DMXL2: variants seen among roughly 807,000 people sequenced by gnomAD.
The protein encoded by DMXL2 is Dmx like 2.
In DMXL2, 103 loss-of-function variants were observed where a neutral mutation model predicts 331.1. That is an observed-to-expected ratio of 0.31 (90% CI 0.27 to 0.37). The LOEUF is 0.37. DMXL2 is among the 10% of genes least tolerant of loss of function. DMXL2 has a pLI of 1.00. For missense variants in DMXL2, 3,171 were observed against 3,642.9 expected (o/e 0.87, Z 3.33); for synonymous variants, 1,281 against 1,252.1 (o/e 1.02, Z -0.49).
chr15:51,475,845 T>G (rs1236162527), intron 27 of DMXL2, among the ~76,000 whole-genome samples: 1 of 152,188 alleles, frequency 6.6e-6, no homozygotes, highest in Non-Finnish European at 1.5e-5. Context: ...GTCTGCAACT[T>G]ACTCTCAAAT....
At chr15:51,494,559 T>C (rs1351569521) in intron 19 of DMXL2, among the ~76,000 whole-genome samples, 2 of 152,206 alleles carry the variant, frequency 1.3e-5, no homozygotes, top group East Asian at 3.8e-4. Flanking sequence ...GCAGTATGCC[T>C]GAAGTACACA....
In DMXL2 at chr15:51,498,875, G is replaced by A; in HGVS notation, c.4349C>T (p.Thr1450Ile). 6.2e-7 allele frequency: 1 copy of A among 1,614,082 alleles called. No individual in the cohort carries two copies. The highest frequency in any genetic ancestry group is 8.5e-7 in the Non-Finnish European group (1 of 1,179,996). ...DTSYRISEES[T>I]KIPQSYEDQT... ...ATCTTCATAGCTCTGTGGTATCTTT[G>A]TACTTTCTTCTGAAATTCTGTAGGA... The change falls in exon 18 of 44, where the codon ACA becomes ATA. Residue 1450 changes from threonine to isoleucine, a missense_variant. Coordinates refer to ENST00000560891, the MANE Select transcript of DMXL2 (RefSeq NM_001378457.1).
intron 6 of DMXL2, among the ~76,000 whole-genome samples, chr15:51,557,623 T>C (rs896377776): frequency 6.6e-6 from 1 of 152,116 alleles, no homozygotes; most frequent in Non-Finnish European, 1.5e-5. Context: ...CTACCAGATA[T>C]CAAGACTTAA....
chr15:51,454,736 C>T (rs778835327), intron 40 of DMXL2, among the ~76,000 whole-genome samples: 6 of 152,136 alleles, frequency 3.9e-5, no homozygotes, highest in Admixed American at 6.5e-5. Context: ...ACCTTGTGAT[C>T]TGCCCGCCTC....
chr15:51,488,725 T>C (rs1280523339), intron 20 of DMXL2, 80 bp from the exon 21 acceptor site: 1 of 1,232,448 alleles, frequency 8.1e-7, no homozygotes, highest in Non-Finnish European at 1.1e-6. Flanking sequence ...GTTCCCCTGC[T>C]ACTTCCATGG....
chr15:51,603,560 G>C (rs11634180), intron 1 of DMXL2: 73,061 of 151,918 alleles, frequency 0.48, 17,924 homozygotes, highest in Non-Finnish European at 0.52. Context: ...ATAATCCTGA[G>C]AGAAAGTAGA....
At chr15:51,592,407 T>C (rs1322717410) in intron 1 of DMXL2, among the ~76,000 whole-genome samples, 1 of 152,244 alleles carries the variant, frequency 6.6e-6, no homozygotes, top group East Asian at 1.9e-4. Context: ...CCAAGAAATA[T>C]GGGACTATGT....
intron 20 of DMXL2, among the ~76,000 whole-genome samples, chr15:51,489,826 T>C (rs2042666050): frequency 6.6e-6 from 1 of 152,234 alleles, no homozygotes; most frequent in South Asian, 2.1e-4. Flanking sequence ...AGCTGATTTA[T>C]AATATACATT....
At chr15:51,568,425 C>A (rs756350935) in intron 3 of DMXL2, 62 bp downstream of exon 3, 2 of 1,144,220 alleles carry the variant, frequency 1.7e-6, no homozygotes, top group African/African-American at 1.6e-5. Flanking sequence ...TTTTTATTAA[C>A]ATCAATTGGA....
chr15:51,568,545 T>C lies in DMXL2; in HGVS notation c.227A>G (p.Tyr76Cys), dbSNP rs1482234935. 30 of 1,575,552 alleles carry C rather than the reference T, an allele frequency of 1.9e-5. No individual in the cohort carries two copies. The highest frequency in any genetic ancestry group is 2.5e-5 in the Non-Finnish European group (29 of 1,168,446). Residue 76 changes from tyrosine to cysteine, a missense_variant, in exon 3 of 44, where the codon TAT becomes TGT. Tyr to Cys is a radical substitution (Grantham distance 194). Around this residue, in one of 7 missense-constraint regions of DMXL2, gnomAD observed 1,674 missense variants for 1,780.2 expected, o/e 0.94. Coordinates refer to ENST00000560891, the MANE Select transcript of DMXL2 (RefSeq NM_001378457.1). The stretch of plus-strand genomic sequence containing the variant: ...CTCAAATATACAAACAGCATTACCA[T>C]ATGAAGCTGCAATCTAAAAAAGAAT... ...SNQQGRIAAS[Y>C]GNAVCIFEPL...
At chr15:51,608,037 T>G (rs867474725) in intron 1 of DMXL2, among the ~76,000 whole-genome samples, 19 of 151,838 alleles carry the variant, frequency 1.3e-4, no homozygotes, top group African/African-American at 4.6e-4. Context: ...ATACAAAAAT[T>G]AGCCAGATGT....
intron 1 of DMXL2, among the ~76,000 whole-genome samples, chr15:51,621,814 A>T (rs566986557): frequency 1.4e-5 from 2 of 146,398 alleles, no homozygotes; most frequent in South Asian, 4.6e-4. Context: ...CCTCCTGATA[A>T]ATGAGACAGC....
intron 1 of DMXL2, among the ~76,000 whole-genome samples, chr15:51,589,442 C>T (rs181272603): frequency 3.9e-5 from 6 of 152,296 alleles, no homozygotes; most frequent in Admixed American, 3.9e-4. Context: ...CTTGCTCTTA[C>T]TTCAGTACAT....
chr15:51,548,295 T>C (rs1375231868), intron 6 of DMXL2, among the ~76,000 whole-genome samples: 3 of 152,164 alleles, frequency 2.0e-5, no homozygotes, highest in Non-Finnish European at 2.9e-5. Context: ...AAAGTATGCA[T>C]TGACCCAAAT....
chr15:51,590,441 G>C (rs4775956), intron 1 of DMXL2, among the ~76,000 whole-genome samples: 72,597 of 152,054 alleles, frequency 0.48, 17,713 homozygotes, highest in Non-Finnish European at 0.52. Context: ...CCTGATAACT[G>C]AGGCTCAGCT....
chr15:51,538,196 G>C lies in DMXL2; in HGVS notation c.1345+17C>G. On this transcript the variant is annotated intron_variant, in intron 10 of 43. Transcript: ENST00000560891. Reference sequence around the variant, plus strand: ...GTTAACTTTGGAGTAAGTAAAATCTGAACACAGGATACTAACCATGGTCTA... The same window carrying C: ...GTTAACTTTGGAGTAAGTAAAATCTCAACACAGGATACTAACCATGGTCTA... 1 of 1,599,412 alleles carries C rather than the reference G, an allele frequency of 6.3e-7. No individual in the cohort carries two copies. Among genetic ancestry groups the C allele is most frequent in the Non-Finnish European group, 8.5e-7 (1 of 1,171,526 alleles).
At chr15:51,476,446 A>G (rs2140339675) in intron 27 of DMXL2, 143 bp downstream of exon 27, 1 of 936,410 alleles carries the variant, frequency 1.1e-6, no homozygotes, top group East Asian at 2.6e-5. Context: ...TTCCTAATCC[A>G]TAGCAGAAAA....
intron 4 of DMXL2, 40 bp downstream of exon 4, chr15:51,565,048 A>G (rs943655258): frequency 7.0e-6 from 8 of 1,138,576 alleles, no homozygotes; most frequent in Non-Finnish European, 1.2e-6. Context: ...TTTAAAACAA[A>G]TATTTAATTT....
chr15:51,613,581 A>T (rs1219078504), intron 1 of DMXL2, among the ~76,000 whole-genome samples: 1 of 152,218 alleles, frequency 6.6e-6, no homozygotes, highest in Non-Finnish European at 1.5e-5. Context: ...GGGAACTGGA[A>T]ACTTTCAGTT....
Sources: allele counts gnomAD v4.1 joint callset (sites outside exome capture counted in the v4.1 genomes callset), GRCh38; gene constraint gnomAD v4.1.1; regional missense constraint gnomAD v4.1.1; transcripts MANE v1.5; gene names NCBI Gene and HGNC (gene_info 2026-07-23, HGNC 2026-07-21).